RBFOX1: variants seen among roughly 807,000 people sequenced by gnomAD.
RBFOX1 encodes the protein RNA binding fox-1 homolog 1.
Under a neutral mutation model 57.7 loss-of-function variants are expected in RBFOX1, and 8 were observed. The ratio of observed to expected loss-of-function variants is 0.14; its 90% CI spans 0.08 to 0.25. The LOEUF (loss-of-function observed/expected upper bound fraction) is 0.25, where lower values mean the gene tolerates loss of function less well. Ranked by LOEUF, RBFOX1 falls within the 10% of genes least tolerant of loss-of-function variation. The pLI is 1.00. For missense variants in RBFOX1, 611 were observed against 548.5 expected (o/e 1.11, Z -1.14); for synonymous variants, 326 against 222.4 (o/e 1.47, Z -4.15).
chr16:5,447,429 C>T (rs1029460334), intron 1 of RBFOX1, among the ~76,000 whole-genome samples: 1 of 147,360 alleles, frequency 6.8e-6, no homozygotes, highest in African/African-American at 2.6e-5. Flanking sequence ...CTTGCTGTTT[C>T]ACCCATGCTG....
At chr16:6,036,124 C>T (rs535651225) in intron 1 of RBFOX1, among the ~76,000 whole-genome samples, 9 of 152,282 alleles carry the variant, frequency 5.9e-5, no homozygotes, top group South Asian at 4.1e-4. Context: ...TGACACAAAA[C>T]GCTTTGTGTA....
At chr16:5,886,894 A>C (rs2057913321) in intron 4 of RBFOX1, among the ~76,000 whole-genome samples, 1 of 152,196 alleles carries the variant, frequency 6.6e-6, no homozygotes, top group Non-Finnish European at 1.5e-5. Flanking sequence ...TCTCAAACAA[A>C]CAAATCATCT....
chr16:6,580,032 C>G (rs920100354), intron 2 of RBFOX1, among the ~76,000 whole-genome samples: 1 of 151,976 alleles, frequency 6.6e-6, no homozygotes, highest in Non-Finnish European at 1.5e-5. Flanking sequence ...GATCTCAGAT[C>G]ACTGCAACTT....
rs564218310 is a variant in RBFOX1, at chr16:7,435,341, C to T, written c.28-82806C>T. Among the ~76,000 whole-genome samples, 11 of 152,034 alleles carry T rather than the reference C, an allele frequency of 7.2e-5. No homozygotes were observed. The South Asian group carries it at 2.3e-3, about 32-fold the overall frequency. On this transcript the variant is annotated intron_variant, in intron 4 of 15. Transcript: ENST00000550418. ...AGTTATGGGTTACGGAGAGGAAGAC[C>T]ACAGAGACAGCGTGCCATTTGTATC...
At chr16:6,402,860 G>C (rs13338567) in intron 2 of RBFOX1, among the ~76,000 whole-genome samples, 17,040 of 152,222 alleles carry the variant, frequency 0.11, 1,480 homozygotes, top group African/African-American at 0.24. Context: ...AAGAATTTAA[G>C]TGTAACCGAG....
chr16:6,002,525 A>G (rs2060619627), intron 4 of RBFOX1, among the ~76,000 whole-genome samples: 1 of 152,176 alleles, frequency 6.6e-6, no homozygotes, highest in African/African-American at 2.4e-5. Context: ...AGTTTGAATG[A>G]AAGGTTGAAG....
intron 2 of RBFOX1, among the ~76,000 whole-genome samples, chr16:5,584,236 C>A (rs1278236302): frequency 6.6e-6 from 1 of 152,184 alleles, no homozygotes; most frequent in Non-Finnish European, 1.5e-5. Context: ...GCCATTCTCC[C>A]CAACTTCATT....
chr16:5,444,423 T>G (rs1377367099), intron 1 of RBFOX1, among the ~76,000 whole-genome samples: 1 of 152,162 alleles, frequency 6.6e-6, no homozygotes, highest in Admixed American at 6.5e-5. Context: ...GGAAAGACAG[T>G]TGTAGACAAA....
At chr16:5,523,623 AC>A (rs1447112032) in intron 2 of RBFOX1, among the ~76,000 whole-genome samples, 2 of 150,768 alleles carry the variant, frequency 1.3e-5, no homozygotes, top group African/African-American at 4.8e-5. Flanking sequence ...TCTAAAACAA[AC>A]AAACAAACAA....
At chr16:6,004,105 G>A (rs2060651256) in intron 4 of RBFOX1, among the ~76,000 whole-genome samples, 1 of 152,172 alleles carries the variant, frequency 6.6e-6, no homozygotes, top group Non-Finnish European at 1.5e-5. Flanking sequence ...CAAGGTGATG[G>A]GTTGATAGGT....
intron 4 of RBFOX1, among the ~76,000 whole-genome samples, chr16:7,207,952 T>C (rs11865047): frequency 2.0e-5 from 3 of 152,130 alleles, no homozygotes; most frequent in African/African-American, 7.2e-5. Context: ...CTGGGGAAGC[T>C]TCTCAGTTAC....
chr16:5,307,271 C>G (rs2063962631), intron 1 of RBFOX1, among the ~76,000 whole-genome samples: 1 of 152,178 alleles, frequency 6.6e-6, no homozygotes, highest in African/African-American at 2.4e-5. Context: ...CACCAGGAGA[C>G]TTTTCTGGCA....
chr16:6,062,925 G>C (rs747504665), intron 1 of RBFOX1, among the ~76,000 whole-genome samples: 1 of 152,080 alleles, frequency 6.6e-6, no homozygotes, highest in East Asian at 1.9e-4. Context: ...CAGAATTTCT[G>C]TGTTACAGTC....
intron 11 of RBFOX1, 58 bp from the exon 12 acceptor site, chr16:7,653,757 A>C: frequency 1.3e-6 from 2 of 1,598,856 alleles, no homozygotes; most frequent in East Asian, 4.5e-5. Context: ...TTCCCTCCAC[A>C]GCAGGGTGTG....
chr16:5,544,584 A>C (rs2045105607), intron 2 of RBFOX1, among the ~76,000 whole-genome samples: 1 of 152,172 alleles, frequency 6.6e-6, no homozygotes, highest in Admixed American at 6.6e-5. Flanking sequence ...CAATAGAGAA[A>C]AATCAATAAA....
intron 1 of RBFOX1, among the ~76,000 whole-genome samples, chr16:5,351,882 C>A (rs2065269501): frequency 6.6e-6 from 1 of 152,218 alleles, no homozygotes; most frequent in Admixed American, 6.5e-5. Context: ...TGGCTCACTG[C>A]AGCCTCTACC....
Position 6,822,756 on chromosome 16 carries a change from C to T in RBFOX1, c.-16+168106C>T, listed in dbSNP as rs533963135. Among the ~76,000 whole-genome samples, 21 of 152,260 alleles carry T rather than the reference C, an allele frequency of 1.4e-4. 1 individual carries two copies. In the South Asian group the frequency reaches 4.2e-3, roughly 30 times the overall value. ...AGGAAGGGAGAGGGGTGGAAAAGAA[C>T]CCAGAAGAACCTATGGGACAAGCGC... is the stretch of plus-strand genomic sequence containing the variant. On this transcript the variant is annotated intron_variant, in intron 3 of 15. Transcript: ENST00000550418.
chr16:5,908,093 T>G (rs1441999719), intron 4 of RBFOX1, among the ~76,000 whole-genome samples: 1 of 141,576 alleles, frequency 7.1e-6, no homozygotes, highest in African/African-American at 2.9e-5. Context: ...TATACACATA[T>G]ATACACATAT....
rs977716161 is a variant in RBFOX1 at position 6,447,961 on chromosome 16, A to C, written c.-64+130904A>C. Among the ~76,000 whole-genome samples the C allele has an allele frequency of 2.3e-5, 3 of 129,240 alleles. No homozygotes were observed. In the East Asian group the frequency reaches 7.5e-4, roughly 32 times the overall value. The allele number at this position is 129,240 out of a possible 152,430, so 84.8% of individuals were successfully genotyped here. Reference sequence around the variant, plus strand: ...ATTAATTATCTGTGTTACAATAACAAGATATTTCAGACAAGAGTCTCTCTC... The same window carrying C: ...ATTAATTATCTGTGTTACAATAACACGATATTTCAGACAAGAGTCTCTCTC... On this transcript the variant is annotated intron_variant, in intron 2 of 15. Transcript: ENST00000550418.
Sources: allele counts gnomAD v4.1 joint callset (sites outside exome capture counted in the v4.1 genomes callset), GRCh38; gene constraint gnomAD v4.1.1; transcripts MANE v1.5; gene names NCBI Gene and HGNC (gene_info 2026-07-23, HGNC 2026-07-21).